COL9A1: variants seen among roughly 807,000 people sequenced by gnomAD.
COL9A1 encodes collagen alpha-1(IX) chain.
COL9A1 carries 104 observed loss-of-function variants against 142.6 expected under a neutral mutation model. That is an observed-to-expected ratio of 0.73 (90% CI 0.62 to 0.86). The LOEUF (loss-of-function observed/expected upper bound fraction) is 0.86, where lower values mean the gene tolerates loss of function less well. COL9A1 is among the 40% of genes least tolerant of loss of function. COL9A1 has a pLI of 0.00. For missense variants in COL9A1, 1,210 were observed against 1,176.6 expected (o/e 1.03, Z -0.42); for synonymous variants, 466 against 396.0 (o/e 1.18, Z -2.10).
At chr6:70,242,302 A>ACC (rs1245215275) in intron 29 of COL9A1, 1 of 576,108 alleles carries the variant, frequency 1.7e-6, no homozygotes, top group African/African-American at 1.9e-5. Context: ...AGCCCCCGCC[A>ACC]CCCCCGCACT....
intron 5 of COL9A1, among the ~76,000 whole-genome samples, chr6:70,289,906 G>A (rs889703521): frequency 1.3e-5 from 2 of 152,078 alleles, no homozygotes; most frequent in African/African-American, 4.8e-5. Context: ...GGAAGTTAGC[G>A]TGATTCAATT....
At position 70,266,886 on chromosome 6, in the gene COL9A1, A is replaced by G. The variant is rs992726240; in HGVS notation, c.1288-116T>C. 20 of 853,498 alleles carry G rather than the reference A, an allele frequency of 2.3e-5. No homozygotes were observed. In the South Asian group the frequency reaches 2.6e-4, roughly 11 times the overall value. The allele number at this position is 853,498 out of a possible 1,614,324, so 52.9% of individuals were successfully genotyped here. A position where few individuals can be genotyped will look rare whatever the true frequency, so the allele number is the denominator to read the frequency against. ...CCAATGTATTACTAAGAAATGAGTTATGTCACAAAGAAAATTAATGCCTTA... is the reference window on the plus strand; with the variant it reads ...CCAATGTATTACTAAGAAATGAGTTGTGTCACAAAGAAAATTAATGCCTTA... On this transcript the variant is annotated intron_variant, in intron 17 of 37. Transcript: ENST00000357250.
intron 5 of COL9A1, among the ~76,000 whole-genome samples, chr6:70,287,350 CT>C (rs1201402572): frequency 2.6e-5 from 4 of 151,882 alleles, no homozygotes; most frequent in Non-Finnish European, 4.4e-5. Context: ...CATTGAAAGA[CT>C]TTTTTTGCAA....
intron 36 of COL9A1, among the ~76,000 whole-genome samples, chr6:70,226,688 CAAAAAGTTT>C (rs1769249686): frequency 6.6e-6 from 1 of 151,914 alleles, no homozygotes; most frequent in African/African-American, 2.4e-5. Flanking sequence ...TCCAACATGA[CAAAAAGTTT>C]AACATTTCTA....
chr6:70,265,463 G>A (rs1037483830), intron 18 of COL9A1, among the ~76,000 whole-genome samples: 5 of 150,282 alleles, frequency 3.3e-5, no homozygotes, highest in African/African-American at 9.7e-5. Context: ...ATTATTATAT[G>A]GCTATGACAT....
chr6:70,289,438 G>T (rs556756241), intron 5 of COL9A1, among the ~76,000 whole-genome samples: 58 of 152,214 alleles, frequency 3.8e-4, no homozygotes, highest in African/African-American at 1.3e-3. Context: ...CATGGCTTCT[G>T]CTGTGTCACC....
chr6:70,283,627 A>T (rs1773312457), intron 6 of COL9A1, 110 bp downstream of exon 6: 3 of 803,754 alleles, frequency 3.7e-6, no homozygotes, highest in Non-Finnish European at 6.5e-6. Flanking sequence ...TCTCTTAGCG[A>T]AAGAGAGTGG....
At chr6:70,242,592 C>A in intron 29 of COL9A1, 70 bp downstream of exon 29, 2 of 1,322,366 alleles carry the variant, frequency 1.5e-6, no homozygotes, top group Non-Finnish European at 2.2e-6. Context: ...AAATTGTTTT[C>A]TCCTCTTGCT....
At chr6:70,253,327 G>C (rs772974032) in intron 26 of COL9A1, 58 bp downstream of exon 26, 8 of 1,116,998 alleles carry the variant, frequency 7.2e-6, no homozygotes, top group South Asian at 1.4e-5. Flanking sequence ...TTACAAATAC[G>C]TTAGTAAATA....
intron 28 of COL9A1, chr6:70,245,782 C>T (rs1329644823): frequency 1.3e-5 from 2 of 151,328 alleles, no homozygotes; most frequent in Non-Finnish European, 3.0e-5. Context: ...TGGTGAAACC[C>T]CGTCTCTACT....
At chr6:70,242,615 T>TAA in intron 29 of COL9A1, 47 bp downstream of exon 29, 1 of 1,501,834 alleles carries the variant, frequency 6.7e-7, no homozygotes. Context: ...TTTTTAAAAA[T>TAA]GCATTGTGTT....
At chr6:70,253,565 T>TTAC in intron 25 of COL9A1, 136 bp from the exon 26 acceptor site, 1 of 694,954 alleles carries the variant, frequency 1.4e-6, no homozygotes, top group Non-Finnish European at 2.6e-6. Context: ...AGATGCTTCC[T>TTAC]AGTTCCCAAA....
chr6:70,297,869 ATG>A (rs1391684652), intron 4 of COL9A1, among the ~76,000 whole-genome samples: 1 of 148,864 alleles, frequency 6.7e-6, no homozygotes, highest in Non-Finnish European at 1.5e-5. Context: ...AAAAAAAAGT[ATG>A]TGTCTCTTAA....
At chr6:70,222,840 TA>T (rs1295350860) in intron 37 of COL9A1, 6 of 151,992 alleles carry the variant, frequency 3.9e-5, no homozygotes, top group African/African-American at 1.5e-4. Flanking sequence ...TTATTTTAGG[TA>T]AGAAAAGAAT....
intron 37 of COL9A1, among the ~76,000 whole-genome samples, chr6:70,219,940 TC>T (rs1768763748): frequency 6.6e-6 from 1 of 152,232 alleles, no homozygotes; most frequent in African/African-American, 2.4e-5. Flanking sequence ...CACATTTGGT[TC>T]CCCATCAACA....
At chr6:70,238,290 T>C (rs757414071) in intron 33 of COL9A1, among the ~76,000 whole-genome samples, 1 of 152,194 alleles carries the variant, frequency 6.6e-6, no homozygotes, top group Non-Finnish European at 1.5e-5. Flanking sequence ...CTGAGCTTCA[T>C]CTTTTCTCCT....
In COL9A1 at chr6:70,265,412, A is replaced by G. The variant is rs74944667; in HGVS notation, c.1341+1305T>C. On this transcript the variant is annotated intron_variant, in intron 18 of 37. Coordinates refer to ENST00000357250, the MANE Select transcript of COL9A1 (RefSeq NM_001851.6). Reference sequence around the variant, plus strand: ...CATGAATATCTTTTGATGTAATTTAATATTCGTACACACTTGTTTTTTGTA... The same window carrying G: ...CATGAATATCTTTTGATGTAATTTAGTATTCGTACACACTTGTTTTTTGTA... Among the ~76,000 whole-genome samples the G allele has an allele frequency of 2.6e-4, 39 of 149,746 alleles. 2 individuals carry two copies. The East Asian group carries it at 7.2e-3, about 27-fold the overall frequency.
At chr6:70,294,124 T>C (rs1457110884) in intron 5 of COL9A1, 43 bp downstream of exon 5, 3 of 1,610,468 alleles carry the variant, frequency 1.9e-6, no homozygotes, top group Non-Finnish European at 2.5e-6. Flanking sequence ...TTTACCAATC[T>C]AGTTTTGCTT....
At chr6:70,262,477 T>C (rs181672845) in intron 19 of COL9A1, among the ~76,000 whole-genome samples, 3 of 152,216 alleles carry the variant, frequency 2.0e-5, no homozygotes, top group African/African-American at 7.2e-5. Context: ...AGCAGGTGAA[T>C]GGTGTTCCTG....
Sources: allele counts gnomAD v4.1 joint callset (sites outside exome capture counted in the v4.1 genomes callset), GRCh38; gene constraint gnomAD v4.1.1; transcripts MANE v1.5; gene names NCBI Gene and HGNC (gene_info 2026-07-23, HGNC 2026-07-21).